Variants in ATP7B observed in about 807,000 individuals in gnomAD.
ATP7B encodes ATPase copper transporting beta, also known as copper-transporting ATPase 2.
Under a neutral mutation model 118.9 loss-of-function variants are expected in ATP7B, and 113 were observed. The observed-to-expected ratio is 0.95, with a 90% CI of 0.82 to 1.11. The LOEUF (loss-of-function observed/expected upper bound fraction) is 1.11, where lower values mean the gene tolerates loss of function less well. Ranked by LOEUF, ATP7B falls within the 50% of genes most tolerant of loss-of-function variation. The pLI, the probability that ATP7B is intolerant of heterozygous loss-of-function variation, is 0.00. For missense variants in ATP7B, 1,867 were observed against 1,871.4 expected (o/e 1.00, Z 0.04); for synonymous variants, 777 against 727.4 (o/e 1.07, Z -1.10).
At position 51,970,669 on chromosome 13, in the gene ATP7B, C is replaced by G. The variant is rs1801244; in HGVS notation, c.1366G>C (p.Val456Leu). 751,190 of 1,613,902 alleles carry G rather than the reference C, an allele frequency of 0.47. 178,885 individuals are homozygous for G. The highest frequency in any genetic ancestry group is 0.49 in the Non-Finnish European group (578,382 of 1,179,910). The change falls in exon 3 of 21, where the codon GTG becomes CTG. Residue 456 changes from valine (V) to leucine (L), a missense_variant. By Grantham distance (32) the Val-to-Leu change is conservative. Transcript: ENST00000242839. ...VQTTDGTPTS[V>L]QEVAPHTGRL... ...CCAGTGTGGGGAGCCACTTCCTGCA[C>G]AGATGTAGGTGTACCATCTGTAGTT... is the stretch of plus-strand genomic sequence containing the variant.
rs2139201407 is a variant in ATP7B, at chr13:51,950,013, C to T, written c.2724G>A (p.Met908Ile). 7.4e-6 allele frequency: 12 copies of T among 1,614,218 alleles called. No homozygotes were observed. The highest frequency in any genetic ancestry group is 1.0e-5 in the Non-Finnish European group (12 of 1,180,028). ...QIVKLVEEAQ[M>I]SKAPIQQLAD... The stretch of plus-strand genomic sequence containing the variant: ...TTAAAAATTTCTTCATTACCTTTGA[C>T]ATCTGAGCCTCTTCCACCAGTTTCA... The change falls in exon 11 of 21, where the codon ATG becomes ATA. Residue 908 changes from methionine (M) to isoleucine (I), a missense_variant. Physicochemically the swap from Met to Ile is conservative, Grantham distance 10 (BLOSUM62 1). Coordinates refer to ENST00000242839, the MANE Select transcript of ATP7B (RefSeq NM_000053.4).
chr13:51,965,219 G>T (rs1951486967), intron 4 of ATP7B, among the ~76,000 whole-genome samples, 186 bp from the exon 5 acceptor site: 1 of 152,164 alleles, frequency 6.6e-6, no homozygotes, highest in African/African-American at 2.4e-5. Flanking sequence ...CGGCTTCAGG[G>T]ACTAAAGAGT....
chr13:51,949,651 A>G lies in ATP7B; in HGVS notation c.2865+11T>C. On this transcript the variant is annotated intron_variant, in intron 12 of 20. Transcript: ENST00000242839. ...ACACAACCACCATATAGCCCAAGGC[A>G]TTCAACTTACAGGAAAGTATCTCTG... The G allele has an allele frequency of 6.2e-7, 1 of 1,613,642 alleles. No homozygotes were observed. The highest frequency in any genetic ancestry group is 8.5e-7 in the Non-Finnish European group (1 of 1,179,960).
intron 4 of ATP7B, among the ~76,000 whole-genome samples, chr13:51,968,012 T>C (rs755949770): frequency 6.6e-6 from 1 of 152,202 alleles, no homozygotes; most frequent in Non-Finnish European, 1.5e-5. Flanking sequence ...CACAAGCCCT[T>C]TTCTCTTAGA....
At position 52,011,396 on chromosome 13, in the gene ATP7B, T is replaced by C; in HGVS notation, c.-59A>G. ...TGGCTCAGAGCAAAAGGTCACCTGGTCGGTGGAGGAGAGCGGGGTGTTAAA... is the reference window on the plus strand; with the variant it reads ...TGGCTCAGAGCAAAAGGTCACCTGGCCGGTGGAGGAGAGCGGGGTGTTAAA... On this transcript the variant is annotated 5_prime_UTR_variant, in exon 1 of 21. Transcript: ENST00000242839. 1.1e-5 allele frequency: 17 copies of C among 1,612,138 alleles called. No homozygotes were observed. The highest frequency in any genetic ancestry group is 1.4e-5 in the Non-Finnish European group (16 of 1,178,212).
At chr13:51,940,000 C>CTTT (rs10555680) in intron 16 of ATP7B, among the ~76,000 whole-genome samples, 1 of 52,336 alleles carries the variant, frequency 1.9e-5, no homozygotes, top group Non-Finnish European at 3.2e-5. Context: ...CACATGCAGT[C>CTTT]TTTTTTTTTT....
intron 1 of ATP7B, among the ~76,000 whole-genome samples, chr13:52,010,271 T>A (rs1466397901): frequency 6.6e-6 from 1 of 152,212 alleles, no homozygotes. Context: ...CACCGGAGCC[T>A]AGATGAATTC....
chr13:52,005,094 C>T (rs1418651621), intron 1 of ATP7B, among the ~76,000 whole-genome samples: 1 of 152,216 alleles, frequency 6.6e-6, no homozygotes, highest in African/African-American at 2.4e-5. Flanking sequence ...GGTCCTCTCC[C>T]TCCTGCCCTC....
upstream of ATP7B, chr13:52,011,544 G>A (rs1954038941): frequency 4.5e-6 from 3 of 659,672 alleles, no homozygotes; most frequent in East Asian, 2.7e-5. Context: ...TCACACGGAT[G>A]ATTCAAAGTT....
intron 1 of ATP7B, among the ~76,000 whole-genome samples, chr13:52,006,808 C>G (rs1418456869): frequency 2.0e-5 from 3 of 152,176 alleles, no homozygotes; most frequent in Non-Finnish European, 4.4e-5. Flanking sequence ...CAATGCCCTT[C>G]TCTCCATGCT....
Position 51,968,462 on chromosome 13 carries a change from A to G in ATP7B, c.1689T>C (p.Asp563=). Residue 563 remains aspartate (D), a synonymous_variant, in exon 4 of 21, where the codon GAT becomes GAC. Transcript: ENST00000242839. ...TACTTACTGTCAGCTCAATGTTGCCATCGGAGCCTGCGTAGTCCTCCATGA... is the reference window on the plus strand; with the variant it reads ...TACTTACTGTCAGCTCAATGTTGCCGTCGGAGCCTGCGTAGTCCTCCATGA... The part of the protein sequence containing the change: ...AAVMEDYAGS[D]GNIELTITGM... 1.2e-6 allele frequency: 2 copies of G among 1,614,202 alleles called. No homozygotes were observed. Among genetic ancestry groups the G allele is most frequent in the South Asian group, 2.2e-5 (2 of 91,084 alleles).
rs186920263 is a variant in ATP7B at position 52,007,112 on chromosome 13, G to A, written c.51+4175C>T. Among the ~76,000 whole-genome samples, 31 of 152,244 alleles carry A rather than the reference G, an allele frequency of 2.0e-4. 1 individual carries two copies. In the East Asian group the frequency reaches 4.2e-3, roughly 21 times the overall value. ...GAAAACAATGTGGAGAAATCATGTC[G>A]AGAATCCATTCATTCAAGAACAACT... On this transcript the variant is annotated intron_variant, in intron 1 of 20. Coordinates refer to ENST00000242839, the MANE Select transcript of ATP7B (RefSeq NM_000053.4).
At chr13:51,995,434 GC>G (rs1180779776) in intron 1 of ATP7B, 9 of 751,900 alleles carry the variant, frequency 1.2e-5, no homozygotes, top group African/African-American at 7.6e-5. Flanking sequence ...TAACCCCAGG[GC>G]TCTTCCTAAA....
intron 1 of ATP7B, among the ~76,000 whole-genome samples, chr13:52,008,048 A>T (rs1953856891): frequency 6.9e-6 from 1 of 145,118 alleles, no homozygotes; most frequent in African/African-American, 2.5e-5. Flanking sequence ...TGCATTGGTT[A>T]AAAAAAAAAA....
chr13:52,012,113 G>A (rs976479148), upstream of ATP7B: 2 of 540,408 alleles, frequency 3.7e-6, no homozygotes, highest in Non-Finnish European at 6.7e-6. Context: ...GCGCCCAGGC[G>A]GGGGCTTCTA....
chr13:51,934,767 G>A lies in ATP7B; in HGVS notation c.4387C>T (p.Gln1463Ter), dbSNP rs1392030070. The change falls in exon 21 of 21, where the codon CAG becomes TAG. Residue 1463 changes from glutamine to a stop codon, truncating the protein, a stop_gained. Transcript: ENST00000242839. LOFTEE classifies it high-confidence loss of function. ...SLLLNGRDEE[Q>*]YI ...CCTGCCTGAAGTCATCAGATGTACTGCTCCTCATCCCTGCCATTCAGGAGC... is the reference window on the plus strand; with the variant it reads ...CCTGCCTGAAGTCATCAGATGTACTACTCCTCATCCCTGCCATTCAGGAGC... 6 of 1,613,754 alleles carry A rather than the reference G, an allele frequency of 3.7e-6. No individual in the cohort carries two copies. Among genetic ancestry groups the A allele is most frequent in the Non-Finnish European group, 5.1e-6 (6 of 1,180,042 alleles).
intron 12 of ATP7B, among the ~76,000 whole-genome samples, chr13:51,948,705 T>C (rs1171546522): frequency 1.3e-5 from 2 of 152,132 alleles, no homozygotes; most frequent in Admixed American, 1.3e-4. Context: ...AGATGTAATA[T>C]AGCTTTTATT....
intron 1 of ATP7B, among the ~76,000 whole-genome samples, chr13:52,004,133 A>G (rs572761601): frequency 1.1e-4 from 16 of 152,230 alleles, no homozygotes; most frequent in Non-Finnish European, 2.2e-4. Flanking sequence ...ATGGTGGCAC[A>G]TGCCTGTAAA....
At chr13:51,996,832 C>G (rs1347771700) in intron 1 of ATP7B, among the ~76,000 whole-genome samples, 1 of 152,242 alleles carries the variant, frequency 6.6e-6, no homozygotes, top group African/African-American at 2.4e-5. Context: ...ACTTCTAAAG[C>G]ACACGCTGAG....
Sources: gnomAD v4.1 joint callset for allele counts (sites outside exome capture counted in the v4.1 genomes callset) on GRCh38, gnomAD v4.1.1 for gene constraint, MANE v1.5 for transcripts, NCBI Gene and HGNC (gene_info 2026-07-23, HGNC 2026-07-21) for gene names.